FBXW8: variants seen among roughly 807,000 people sequenced by gnomAD.
FBXW8 encodes F-box and WD repeat domain containing 8.
Under a neutral mutation model 65.3 loss-of-function variants are expected in FBXW8, and 57 were observed. The observed-to-expected ratio is 0.87, with a 90% CI of 0.71 to 1.09. The LOEUF is 1.09. FBXW8 is among the 50% of genes least tolerant of loss of function. FBXW8 has a pLI of 0.00. For missense variants in FBXW8, 777 were observed against 814.8 expected (o/e 0.95, Z 0.57); for synonymous variants, 308 against 330.2 (o/e 0.93, Z 0.73).
At chr12:116,929,277 G>A (rs1402315700) in intron 2 of FBXW8, among the ~76,000 whole-genome samples, 1 of 151,142 alleles carries the variant, frequency 6.6e-6, no homozygotes, top group Non-Finnish European at 1.5e-5. Flanking sequence ...CTCTGTCACC[G>A]AGGCTGGAGT....
At chr12:116,922,494 C>G (rs536699337) in intron 1 of FBXW8, among the ~76,000 whole-genome samples, 3 of 152,168 alleles carry the variant, frequency 2.0e-5, no homozygotes, top group Non-Finnish European at 4.4e-5. Flanking sequence ...CCTCTTTGCC[C>G]TGGAGATGTA....
At chr12:116,979,751 A>G (rs114304269) in intron 5 of FBXW8, among the ~76,000 whole-genome samples, 57 of 146,712 alleles carry the variant, frequency 3.9e-4, no homozygotes, top group African/African-American at 1.2e-3. Flanking sequence ...TCTGGCCTTC[A>G]GGATGATGCC....
At chr12:116,938,369 G>A (rs1882305802) in intron 2 of FBXW8, among the ~76,000 whole-genome samples, 1 of 151,948 alleles carries the variant, frequency 6.6e-6, no homozygotes, top group Non-Finnish European at 1.5e-5. Context: ...TGTTATCCAG[G>A]ACTTAAACTT....
intron 2 of FBXW8, among the ~76,000 whole-genome samples, chr12:116,938,556 G>T (rs1188784846): frequency 2.6e-5 from 4 of 152,120 alleles, no homozygotes; most frequent in Non-Finnish European, 4.4e-5. Flanking sequence ...GTTAGAAAAA[G>T]CTGCTTTCAG....
Position 116,961,648 on chromosome 12 carries a change from T to C in FBXW8, c.678-3049T>C, listed in dbSNP as rs1883988330. 6.6e-6 allele frequency among the ~76,000 whole-genome samples: 1 copy of C among 152,122 alleles called. No individual in the cohort carries two copies. The highest frequency in any genetic ancestry group is 2.1e-4 in the South Asian group (1 of 4,828). ...CTGTTCCAGTCATTGCATGCACAGC[T>C]ATGAACAAAACCCAGACCCTGAGCT... On this transcript the variant is annotated intron_variant, in intron 4 of 10. Coordinates refer to ENST00000652555, the MANE Select transcript of FBXW8 (RefSeq NM_153348.3). The surrounding 1 kb of genome is among the most constrained non-coding windows in gnomAD (Gnocchi z 4.4).
At chr12:116,917,294 A>T (rs1267703194) in intron 1 of FBXW8, among the ~76,000 whole-genome samples, 1 of 152,194 alleles carries the variant, frequency 6.6e-6, no homozygotes, top group Non-Finnish European at 1.5e-5. Flanking sequence ...TTGGGTAACC[A>T]TTTTATCATC....
intron 2 of FBXW8, among the ~76,000 whole-genome samples, chr12:116,930,117 A>G (rs975928490): frequency 2.6e-5 from 4 of 152,152 alleles, no homozygotes; most frequent in African/African-American, 4.8e-5. Context: ...TGTTGTGAAT[A>G]ATGTTGCAAT....
intron 2 of FBXW8, among the ~76,000 whole-genome samples, chr12:116,941,061 A>C (rs906675175): frequency 2.0e-5 from 3 of 152,232 alleles, no homozygotes; most frequent in Admixed American, 2.0e-4. Context: ...AGATTTCTTC[A>C]AAAGGGCAAA....
chr12:116,931,021 T>C (rs1344014137), intron 2 of FBXW8, among the ~76,000 whole-genome samples: 1 of 152,240 alleles, frequency 6.6e-6, no homozygotes, highest in Non-Finnish European at 1.5e-5. Flanking sequence ...TTACCCAGGC[T>C]AGTCTCGAAC....
At chr12:116,976,894 CA>C (rs986823410) in intron 5 of FBXW8, among the ~76,000 whole-genome samples, 28 of 152,194 alleles carry the variant, frequency 1.8e-4, no homozygotes, top group African/African-American at 6.5e-4. Flanking sequence ...AAAATCATTT[CA>C]GGGGGTAATC....
intron 9 of FBXW8, among the ~76,000 whole-genome samples, chr12:117,026,947 A>G (rs1218953857): frequency 1.3e-5 from 2 of 152,168 alleles, no homozygotes; most frequent in Non-Finnish European, 2.9e-5. Flanking sequence ...TTGCAGCCCT[A>G]TGAGCAGGAT....
intron 4 of FBXW8, among the ~76,000 whole-genome samples, chr12:116,958,380 T>G (rs936368755): frequency 2.0e-5 from 3 of 152,228 alleles, no homozygotes; most frequent in African/African-American, 4.8e-5. Flanking sequence ...AGTGAATAGT[T>G]CTTCAAACTT....
intron 7 of FBXW8, among the ~76,000 whole-genome samples, chr12:116,994,973 T>A (rs1953341822): frequency 6.6e-6 from 1 of 152,212 alleles, no homozygotes; most frequent in African/African-American, 2.4e-5. Flanking sequence ...TGGCAGGGCA[T>A]CCCCTTCCCC....
At chr12:117,020,052 G>A (rs1308023212) in intron 8 of FBXW8, among the ~76,000 whole-genome samples, 2 of 152,158 alleles carry the variant, frequency 1.3e-5, no homozygotes, top group Non-Finnish European at 2.9e-5. Flanking sequence ...GCCCACACAC[G>A]CACAGCCTAA....
chr12:116,988,408 T>C (rs1301244295), intron 6 of FBXW8, among the ~76,000 whole-genome samples: 2 of 152,232 alleles, frequency 1.3e-5, no homozygotes, highest in Non-Finnish European at 2.9e-5. Context: ...TTTACCGATA[T>C]GAAAGGTGAA....
chr12:116,957,439 T>C (rs1883722296), intron 4 of FBXW8, among the ~76,000 whole-genome samples: 1 of 152,228 alleles, frequency 6.6e-6, no homozygotes. Context: ...ATATTTGCCC[T>C]GAATTTAAAA....
At chr12:116,979,777 C>CAAAAAAAA (rs60145855) in intron 5 of FBXW8, among the ~76,000 whole-genome samples, 1 of 74,532 alleles carries the variant, frequency 1.3e-5, no homozygotes, top group African/African-American at 4.2e-5. Context: ...CAGGGAATGG[C>CAAAAAAAA]AAAAAAAAAA....
rs1883982250 is a variant in FBXW8 at position 116,961,540 on chromosome 12, T to G, written c.678-3157T>G. ...GTGGGTTTTCAGTAGGTCTCATAATTAAAATTTCATTCAATAAGGTGTTAA... is the reference window on the plus strand; with the variant it reads ...GTGGGTTTTCAGTAGGTCTCATAATGAAAATTTCATTCAATAAGGTGTTAA... On this transcript the variant is annotated intron_variant, in intron 4 of 10. Coordinates refer to ENST00000652555, the MANE Select transcript of FBXW8 (RefSeq NM_153348.3). This position sits in a 1 kb window ranked among gnomAD's most constrained non-coding sequence, Gnocchi z 4.4. 6.6e-6 allele frequency among the ~76,000 whole-genome samples: 1 copy of G among 152,132 alleles called. No individual in the cohort carries two copies. Among genetic ancestry groups the G allele is most frequent in the African/African-American group, 2.4e-5 (1 of 41,422 alleles).
intron 8 of FBXW8, among the ~76,000 whole-genome samples, chr12:117,019,965 A>C (rs746299913): frequency 4.3e-4 from 66 of 152,216 alleles, no homozygotes; most frequent in Non-Finnish European, 3.7e-4. Context: ...TAGAGGGCGA[A>C]GCGCACCCCT....
Sources: allele counts gnomAD v4.1 joint callset (sites outside exome capture counted in the v4.1 genomes callset), GRCh38; gene constraint gnomAD v4.1.1; non-coding constraint Gnocchi (gnomAD v3.1); transcripts MANE v1.5; gene names NCBI Gene and HGNC (gene_info 2026-07-23, HGNC 2026-07-21).